TSBP1: variants seen among roughly 807,000 people sequenced by gnomAD.
The protein encoded by TSBP1 is testis expressed basic protein 1.
In TSBP1, 56 loss-of-function variants were observed where a neutral mutation model predicts 68.8. That is an observed-to-expected ratio of 0.81 (90% confidence interval 0.66 to 1.02). TSBP1 has a LOEUF of 1.02. TSBP1 is among the 50% of genes least tolerant of loss of function. The pLI is 0.00. For synonymous variants in TSBP1, 171 were observed against 208.7 expected (o/e 0.82, Z 1.56); for missense variants, 502 against 641.2 (o/e 0.78, Z 2.34).
At chr6:32,350,898 G>A (rs1440075259) in intron 8 of TSBP1, among the ~76,000 whole-genome samples, 4 of 152,116 alleles carry the variant, frequency 2.6e-5, no homozygotes, top group Non-Finnish European at 4.4e-5. Context: ...ATAGAAGAAG[G>A]GAGCCATGAA....
chr6:32,328,392 C>T (rs1379435118), intron 16 of TSBP1, among the ~76,000 whole-genome samples: 2 of 151,526 alleles, frequency 1.3e-5, no homozygotes, highest in Non-Finnish European at 2.9e-5. Context: ...AGATTACAGG[C>T]GTGCACCACC....
chr6:32,347,298 G>T, intron 9 of TSBP1, among the ~76,000 whole-genome samples: 1 of 148,284 alleles, frequency 6.7e-6, no homozygotes, highest in Non-Finnish European at 1.5e-5. Flanking sequence ...CAAGTAGCTG[G>T]GACCACAGGT....
intron 18 of TSBP1, chr6:32,320,323 C>A: frequency 2.4e-6 from 1 of 417,890 alleles, no homozygotes; most frequent in Non-Finnish European, 4.8e-6. Context: ...AACTCTGGAC[C>A]TGTGTGGGTG....
chr6:32,293,255 A>G, exon 23 of TSBP1: 1 of 1,611,852 alleles, frequency 6.2e-7, no homozygotes, highest in Non-Finnish European at 8.5e-7. Context: ...ACTCTTCTTT[A>G]CTTGGGATTC....
chr6:32,369,372 G>A (rs1002646737), intron 2 of TSBP1, among the ~76,000 whole-genome samples: 2 of 48,924 alleles, frequency 4.1e-5, no homozygotes, highest in African/African-American at 1.4e-4. Context: ...TAAACTCTGT[G>A]ATTTTTTTTT....
At chr6:32,370,158 C>T (rs980780071) in intron 1 of TSBP1, among the ~76,000 whole-genome samples, 175 bp from the exon 2 acceptor site, 1 of 151,570 alleles carries the variant, frequency 6.6e-6, no homozygotes, top group Admixed American at 6.6e-5. Flanking sequence ...ATTCCCGCCC[C>T]TGCCCATTTT....
intron 16 of TSBP1, among the ~76,000 whole-genome samples, chr6:32,328,280 C>G (rs6457544): frequency 6.6e-6 from 1 of 151,632 alleles, no homozygotes; most frequent in Non-Finnish European, 1.5e-5. Context: ...CAGAGTCTCG[C>G]TCTGTCGCCC....
Position 32,340,804 on chromosome 6 carries a change from C to CTT in TSBP1, c.350-1168_350-1167dup, listed in dbSNP as rs9281742. On this transcript the variant is annotated intron_variant, in intron 9 of 22. Transcript: ENST00000612031. The surrounding 1 kb of genome is among the most constrained non-coding windows in gnomAD (Gnocchi z 4.8). ...AATGAGGAGAAAGGAATTTTTCTTT[C>CTT]TTTTTTTTTTTGAGACAATCTCTCT... Among the ~76,000 whole-genome samples, 91 of 147,986 alleles carry CTT rather than the reference C, an allele frequency of 6.1e-4. No homozygotes were observed. The highest frequency in any genetic ancestry group is 1.2e-3 in the Non-Finnish European group (81 of 66,854).
intron 16 of TSBP1, among the ~76,000 whole-genome samples, chr6:32,326,431 G>A (rs1214368080): frequency 6.6e-6 from 1 of 152,130 alleles, no homozygotes; most frequent in East Asian, 1.9e-4. Flanking sequence ...GGGTTTTAAT[G>A]TAGATTTTTT....
chr6:32,369,372 G>GTTTTTTTTTTTTTT (rs1430790167), intron 2 of TSBP1, among the ~76,000 whole-genome samples: 5 of 48,932 alleles, frequency 1.0e-4, no homozygotes, highest in Admixed American at 2.3e-4. Context: ...TAAACTCTGT[G>GTTTTTTTTTTTTTT]ATTTTTTTTT....
At chr6:32,307,371 A>AT (rs1432973610) in intron 19 of TSBP1, among the ~76,000 whole-genome samples, 1 of 152,068 alleles carries the variant, frequency 6.6e-6, no homozygotes, top group African/African-American at 2.4e-5. Flanking sequence ...ATATGTTAAT[A>AT]TTTTTTGTTA....
chr6:32,331,516 G>A (rs1259322574), intron 15 of TSBP1, among the ~76,000 whole-genome samples: 3 of 152,108 alleles, frequency 2.0e-5, no homozygotes, highest in Admixed American at 6.5e-5. Flanking sequence ...AACATTCCAC[G>A]GGGGTTCGGG....
chr6:32,311,344 A>T (rs556462517), intron 19 of TSBP1, among the ~76,000 whole-genome samples: 3 of 152,328 alleles, frequency 2.0e-5, no homozygotes, highest in African/African-American at 4.8e-5. Context: ...GATATAGAGT[A>T]TATGCTTGGA....
chr6:32,338,829 T>G lies in TSBP1; in HGVS notation c.409+150A>C. 1.5e-6 allele frequency: 1 copy of G among 666,040 alleles called. No individual in the cohort carries two copies. The highest frequency in any genetic ancestry group is 2.7e-6 in the Non-Finnish European group (1 of 373,924). 41.3% of individuals were successfully genotyped at this position (666,040 alleles called of 1,614,324 possible). On this transcript the variant is annotated intron_variant, in intron 11 of 22. Coordinates refer to ENST00000612031, the Ensembl canonical transcript of TSBP1. The surrounding 1 kb of genome is among the most constrained non-coding windows in gnomAD (Gnocchi z 5.5). Reference sequence around the variant, plus strand: ...ACTTTCTTACAGAGGCACCCCAGTTTATTAAGATAAGAATAGGGAATAAAC... The same window carrying G: ...ACTTTCTTACAGAGGCACCCCAGTTGATTAAGATAAGAATAGGGAATAAAC...
At chr6:32,370,407 GTA>G (rs9279612) in intron 1 of TSBP1, among the ~76,000 whole-genome samples, 3,705 of 130,266 alleles carry the variant, frequency 0.028, 86 homozygotes, top group South Asian at 0.056. Flanking sequence ...AAGATTTTCT[GTA>G]TATATATATA....
In TSBP1 at chr6:32,335,459, T is replaced by TAA. The variant is rs138803851; in HGVS notation, c.452-4_452-3dup. 1,826 of 1,331,214 alleles carry TAA rather than the reference T, an allele frequency of 1.4e-3. No individual in the cohort carries two copies. The highest frequency in any genetic ancestry group is 6.6e-3 in the East Asian group (228 of 34,432). 82.5% of individuals were successfully genotyped at this position (1,331,214 alleles called of 1,614,324 possible). On this transcript the variant is annotated splice_polypyrimidine_tract_variant and splice_region_variant and intron_variant, in intron 13 of 22. Coordinates refer to ENST00000612031, the Ensembl canonical transcript of TSBP1. This position sits in a 1 kb window ranked among gnomAD's most constrained non-coding sequence, Gnocchi z 5.5. ...TACCAATGGTTTTTTGAGAGAGCTC[T>TAA]AAAAAAAAAAGAGAAAAGAAATCAG...
At chr6:32,364,214 A>T (rs12661244) in intron 6 of TSBP1, among the ~76,000 whole-genome samples, 12,792 of 152,144 alleles carry the variant, frequency 0.084, 782 homozygotes, top group East Asian at 0.1. Flanking sequence ...GGTTAAATAC[A>T]ATTGGAGAGT....
intron 2 of TSBP1, among the ~76,000 whole-genome samples, chr6:32,369,172 C>G (rs1158950566): frequency 6.6e-6 from 1 of 152,018 alleles, no homozygotes; most frequent in African/African-American, 2.4e-5. Flanking sequence ...ACAAGTACTA[C>G]TCTGTATTTG....
chr6:32,337,377 T>G lies in TSBP1; in HGVS notation c.410-742A>C, dbSNP rs77634377. 7.9e-5 allele frequency among the ~76,000 whole-genome samples: 12 copies of G among 152,314 alleles called. No homozygotes were observed. In the East Asian group the frequency reaches 2.3e-3, roughly 29 times the overall value. ...CCTTCCCCTTTCCCCACGGGTGTCC[T>G]GCTTGTATCTCAGGAGATTACACAG... On this transcript the variant is annotated intron_variant, in intron 11 of 22. Transcript: ENST00000612031. This position sits in a 1 kb window ranked among gnomAD's most constrained non-coding sequence, Gnocchi z 5.5.
Sources: gnomAD v4.1 joint callset for allele counts (sites outside exome capture counted in the v4.1 genomes callset) on GRCh38, gnomAD v4.1.1 for gene constraint, Gnocchi (gnomAD v3.1) non-coding constraint, MANE v1.5 for transcripts, NCBI Gene and HGNC (gene_info 2026-07-23, HGNC 2026-07-21) for gene names.